The following NLRP11 variants were observed in gnomAD, a reference collection of about 807,000 sequenced individuals.
The protein encoded by NLRP11 is NACHT, LRR and PYD domains-containing protein 11.
In NLRP11, 53 loss-of-function variants were observed where a neutral mutation model predicts 79.3. The ratio of observed to expected loss-of-function variants is 0.67; its 90% CI spans 0.54 to 0.84. NLRP11 has a LOEUF of 0.84. Ranked by LOEUF, NLRP11 falls within the 40% of genes least tolerant of loss-of-function variation. The pLI, the probability that NLRP11 is intolerant of heterozygous loss-of-function variation, is 0.00. For missense variants in NLRP11, 1,264 were observed against 1,255.0 expected (o/e 1.01, Z -0.11); for synonymous variants, 518 against 462.6 (o/e 1.12, Z -1.54).
At chr19:55,817,799 T>C in intron 2 of NLRP11, 105 bp downstream of exon 2, 1 of 900,656 alleles carries the variant, frequency 1.1e-6, no homozygotes, top group South Asian at 1.7e-5. Context: ...AAATACCACC[T>C]GCTTCCCAGA....
chr19:55,796,041 C>T, intron 6 of NLRP11, 39 bp downstream of exon 6: 2 of 1,568,582 alleles, frequency 1.3e-6, no homozygotes, highest in South Asian at 2.2e-5. Context: ...TCAAGTCAGT[C>T]TGAGCTTCTA....
intron 5 of NLRP11, among the ~76,000 whole-genome samples, chr19:55,796,940 C>T (rs189806795): frequency 2.7e-3 from 417 of 152,218 alleles, no homozygotes; most frequent in African/African-American, 9.4e-3. Context: ...CCACCCGCCT[C>T]GGCCTCCCAA....
intron 1 of NLRP11, among the ~76,000 whole-genome samples, chr19:55,824,095 TG>T (rs1982076875): frequency 9.1e-6 from 1 of 110,204 alleles, no homozygotes; most frequent in African/African-American, 4.7e-5. Context: ...CAGAAGAGAG[TG>T]GGGGCCAATA....
chr19:55,835,229 T>C (rs549545190), upstream of NLRP11, among the ~76,000 whole-genome samples: 1 of 152,344 alleles, frequency 6.6e-6, no homozygotes, highest in Admixed American at 6.5e-5. Flanking sequence ...ATGGTGATTG[T>C]AAAAGGATAG....
At chr19:55,815,731 TTAAGGAGTTCAC>T (rs1981054933) in intron 2 of NLRP11, among the ~76,000 whole-genome samples, 1 of 152,048 alleles carries the variant, frequency 6.6e-6, no homozygotes, top group Non-Finnish European at 1.5e-5. Context: ...AGACATAAAA[TTAAGGAGTTCAC>T]TAAGGAATTC....
Position 55,817,851 on chromosome 19 carries a change from G to C in NLRP11, c.271+53C>G, listed in dbSNP as rs199476234. On this transcript the variant is annotated intron_variant, in intron 2 of 9. Transcript: ENST00000589093. Reference sequence around the variant, plus strand: ...AAAAAAAAAAAAGGCCCAACACCCAGCTTCCTGTGAAGTGCCCTGATTTCT... The same window carrying C: ...AAAAAAAAAAAAGGCCCAACACCCACCTTCCTGTGAAGTGCCCTGATTTCT... The C allele has an allele frequency of 1.7e-4, 234 of 1,357,768 alleles. No homozygotes were observed. The African/African-American group carries it at 2.9e-3, about 17-fold the overall frequency. The allele number at this position is 1,357,768 out of a possible 1,614,324, so 84.1% of individuals were successfully genotyped here.
At chr19:55,810,378 A>C in intron 2 of NLRP11, 40 bp from the exon 3 acceptor site, 1 of 1,536,864 alleles carries the variant, frequency 6.5e-7, no homozygotes, top group Non-Finnish European at 8.8e-7. Context: ...CAGAACAAAG[A>C]TGAAAGTTCA....
chr19:55,786,729 T>C (rs567266653), intron 9 of NLRP11, among the ~76,000 whole-genome samples: 1 of 152,242 alleles, frequency 6.6e-6, no homozygotes, highest in East Asian at 1.9e-4. Context: ...TTTGAGCACC[T>C]ATAATACTGA....
intron 1 of NLRP11, among the ~76,000 whole-genome samples, chr19:55,819,148 C>G (rs879732588): frequency 0.036 from 3,823 of 105,794 alleles, 61 homozygotes; most frequent in Middle Eastern, 0.051. Context: ...CACACACACA[C>G]ACACACACAC....
At chr19:55,786,003 C>G in intron 9 of NLRP11, 132 bp from the exon 10 acceptor site, 1 of 912,622 alleles carries the variant, frequency 1.1e-6, no homozygotes, top group Non-Finnish European at 1.7e-6. Context: ...TCTGAGGAAA[C>G]AAAAATCTGT....
intron 2 of NLRP11, among the ~76,000 whole-genome samples, chr19:55,814,912 T>C (rs1980940121): frequency 1.3e-5 from 2 of 152,216 alleles, no homozygotes; most frequent in Admixed American, 6.5e-5. Context: ...CACAGGGAGA[T>C]GGTGAGTGAG....
At chr19:55,823,113 C>G (rs1230402216) in intron 1 of NLRP11, among the ~76,000 whole-genome samples, 2 of 146,884 alleles carry the variant, frequency 1.4e-5, no homozygotes, top group East Asian at 2.1e-4. Context: ...CCCCTGACCC[C>G]CAAGCAGCCT....
At chr19:55,794,169 T>C (rs911654608) in intron 6 of NLRP11, among the ~76,000 whole-genome samples, 1 of 152,220 alleles carries the variant, frequency 6.6e-6, no homozygotes, top group African/African-American at 2.4e-5. Flanking sequence ...AATTATATTG[T>C]AGTGTTGTAC....
At chr19:55,796,157 G>A in exon 6 of NLRP11, 1 of 1,614,074 alleles carries the variant, frequency 6.2e-7, no homozygotes, top group Non-Finnish European at 8.5e-7. Flanking sequence ...TCAGCGGATT[G>A]CTGGATAAGG....
At chr19:55,791,291 G>C (rs900844051) in intron 7 of NLRP11, among the ~76,000 whole-genome samples, 3 of 152,152 alleles carry the variant, frequency 2.0e-5, no homozygotes, top group African/African-American at 7.2e-5. Flanking sequence ...AAAAAAGGGA[G>C]GGTGAGTTAT....
chr19:55,808,524 C>A (rs1980233812), intron 3 of NLRP11, among the ~76,000 whole-genome samples: 1 of 152,170 alleles, frequency 6.6e-6, no homozygotes, highest in Non-Finnish European at 1.5e-5. Flanking sequence ...AAACCTCTTA[C>A]AATGTGCAAG....
At chr19:55,811,472 G>T (rs555243283) in intron 2 of NLRP11, among the ~76,000 whole-genome samples, 129 of 152,244 alleles carry the variant, frequency 8.5e-4, no homozygotes, top group African/African-American at 3.1e-3. Context: ...ATGATGAACA[G>T]CTGCAGCAGG....
intron 1 of NLRP11, among the ~76,000 whole-genome samples, chr19:55,830,903 C>T (rs1395766366): frequency 2.0e-5 from 3 of 152,138 alleles, no homozygotes; most frequent in South Asian, 2.1e-4. Flanking sequence ...ACCAGACTTT[C>T]TCAAGCACTG....
At chr19:55,798,246 C>A (rs1056223909) in intron 5 of NLRP11, 1 of 825,082 alleles carries the variant, frequency 1.2e-6, no homozygotes, top group African/African-American at 1.8e-5. Context: ...GATCTGCCCG[C>A]CTCGGCCTCC....
Sources: allele counts gnomAD v4.1 joint callset (sites outside exome capture counted in the v4.1 genomes callset), GRCh38; gene constraint gnomAD v4.1.1; transcripts MANE v1.5; gene names NCBI Gene and HGNC (gene_info 2026-07-23, HGNC 2026-07-21).